GADD45G: variants seen among roughly 807,000 people sequenced by gnomAD.
GADD45G encodes growth arrest and DNA damage inducible gamma.
Under a neutral mutation model 17.3 loss-of-function variants are expected in GADD45G, and 7 were observed. The ratio of observed to expected loss-of-function variants is 0.41; its 90% confidence interval spans 0.23 to 0.76. The LOEUF (loss-of-function observed/expected upper bound fraction) is 0.76. GADD45G is among the 30% of genes least tolerant of loss of function. GADD45G has a pLI of 0.34. For synonymous variants in GADD45G, 93 were observed against 94.9 expected, an observed-to-expected ratio of 0.98 and a Z score of 0.12; for missense variants, 149 against 219.2, an observed-to-expected ratio of 0.68 and a Z score of 2.02.
intron 2 of GADD45G, 61 bp from the exon 3 acceptor site, chr9:89,605,606 G>C: frequency 6.4e-7 from 1 of 1,558,072 alleles, no homozygotes; most frequent in Non-Finnish European, 8.7e-7. Context: ...GGATGGGAGG[G>C]GTGGCGGCGG....
At chr9:89,605,611 C>T (rs1275780693) in intron 2 of GADD45G, 56 bp from the exon 3 acceptor site, 2 of 1,562,454 alleles carry the variant, frequency 1.3e-6, no homozygotes, top group Non-Finnish European at 1.7e-6. Context: ...GGAGGGGTGG[C>T]GGCGGGAGAA....
Position 89,605,684 on chromosome 9 carries a change from C to T in GADD45G, c.173C>T (p.Thr58Ile). 1 of 1,614,018 alleles carries T rather than the reference C, an allele frequency of 6.2e-7. No homozygotes were observed. Among genetic ancestry groups the T allele is most frequent in the Non-Finnish European group, 8.5e-7 (1 of 1,179,978 alleles). The change falls in exon 3 of 4, where the codon ACC becomes ATC. Residue 58 changes from threonine (T) to isoleucine (I), a missense_variant. This residue lies in a region of GADD45G where 39 missense variants were observed against 99.9 expected (regional missense o/e 0.39). Coordinates refer to ENST00000252506, the MANE Select transcript of GADD45G (RefSeq NM_006705.4). ...CCTCGCAGGGACCCCGACAATGTGA[C>T]CTTCTGTGTGCTGGCTGCGGGTGAG... Reference protein sequence around the residue: ...KVLNVDPDNVTFCVLAAGEED... With the variant: ...KVLNVDPDNVIFCVLAAGEED...
intron 1 of GADD45G, 45 bp from the exon 2 acceptor site, chr9:89,605,387 G>T: frequency 7.1e-7 from 1 of 1,416,328 alleles, no homozygotes; most frequent in Non-Finnish European, 9.7e-7. Flanking sequence ...GGTCTCCGCC[G>T]CGCCCTCCGG....
chr9:89,605,445 G>C lies in GADD45G; in HGVS notation c.67G>C (p.Gly23Arg). 1 of 1,555,318 alleles carries C rather than the reference G, an allele frequency of 6.4e-7. No homozygotes were observed. Among genetic ancestry groups the C allele is most frequent in the Non-Finnish European group, 8.7e-7 (1 of 1,149,550 alleles). ...PESTARMQGA[G>R]KALHELLLSA... ...GCTCCTCCGCAGGATGCAGGGTGCC[G>C]GGAAAGCGCTGCATGAGTTGCTGCT... The change falls in exon 2 of 4, where the codon GGG becomes CGG. Residue 23 changes from glycine to arginine, a missense_variant. Coordinates refer to ENST00000252506, the MANE Select transcript of GADD45G (RefSeq NM_006705.4).
rs564551830 is a variant in GADD45G, at chr9:89,606,334, C to T, written c.*255C>T. ...TCGCCCAGGAAGGCCTAGGCTAGGA[C>T]GTTGGCCTCAGGGCCAGGAAGGACA... On this transcript the variant is annotated 3_prime_UTR_variant, in exon 4 of 4. Coordinates refer to ENST00000252506, the MANE Select transcript of GADD45G (RefSeq NM_006705.4). 722 of 540,770 alleles carry T rather than the reference C, an allele frequency of 1.3e-3. 6 individuals carry two copies. Among genetic ancestry groups the T allele is most frequent in the African/African-American group, 0.012 (627 of 51,886 alleles). The allele number at this position is 540,770 out of a possible 1,614,324, so 33.5% of individuals were successfully genotyped here.
intron 2 of GADD45G, 21 bp downstream of exon 2, chr9:89,605,554 G>C: frequency 6.4e-7 from 1 of 1,561,530 alleles, no homozygotes; most frequent in Non-Finnish European, 8.7e-7. Flanking sequence ...ACGCGGCCCA[G>C]GCTGGGAGAC....
chr9:89,605,250 G>A, intron 1 of GADD45G, 76 bp downstream of exon 1: 2 of 1,388,590 alleles, frequency 1.4e-6, no homozygotes, highest in Non-Finnish European at 2.0e-6. Context: ...AATCCGCGGG[G>A]TAGGAGGGGA....
In GADD45G at chr9:89,605,035, C is replaced by T; in HGVS notation, c.-87C>T. ...GCGCACTCGCTGGTGGTGGGCGCGC[C>T]GTGCTGAGCTCTGGCTGTCAGTGTG... is the stretch of plus-strand genomic sequence containing the variant. On this transcript the variant is annotated 5_prime_UTR_variant, in exon 1 of 4. Coordinates refer to ENST00000252506, the MANE Select transcript of GADD45G (RefSeq NM_006705.4). The T allele has an allele frequency of 4.8e-6, 5 of 1,051,122 alleles. No homozygotes were observed. Among genetic ancestry groups the T allele is most frequent in the South Asian group, 4.0e-5 (3 of 74,312 alleles). 65.1% of individuals were successfully genotyped at this position (1,051,122 alleles called of 1,614,324 possible). A position where few individuals can be genotyped will look rare whatever the true frequency, so the allele number is the denominator to read the frequency against.
chr9:89,605,017 C>G lies in GADD45G; in HGVS notation c.-105C>G. On this transcript the variant is annotated 5_prime_UTR_variant, in exon 1 of 4. Transcript: ENST00000252506. ...GCGCGCAGCGTAGTAGGGGCGCACT[C>G]GCTGGTGGTGGGCGCGCCGTGCTGA... The G allele has an allele frequency of 1.1e-6, 1 of 896,952 alleles. No individual in the cohort carries two copies. The highest frequency in any genetic ancestry group is 1.8e-6 in the Non-Finnish European group (1 of 553,180). The allele number at this position is 896,952 out of a possible 1,614,324, so 55.6% of individuals were successfully genotyped here.
chr9:89,605,850 G>T lies in GADD45G; in HGVS notation c.339G>T (p.Ala113=). 1 of 1,612,102 alleles carries T rather than the reference G, an allele frequency of 6.2e-7. No individual in the cohort carries two copies. The highest frequency in any genetic ancestry group is 8.5e-7 in the Non-Finnish European group (1 of 1,179,292). Residue 113 remains alanine, a synonymous_variant, in exon 3 of 4, where the codon GCG becomes GCT. Transcript: ENST00000252506. ...AIVGAGEEAG[A]PGDLHCILIS... is the part of the protein sequence containing the mutation. ...TGGGCGCCGGCGAGGAGGCGGGTGC[G>T]CCGGGCGACCTGCACTGCATCCTCA... is the stretch of plus-strand genomic sequence containing the variant.
chr9:89,606,065 A>C lies in GADD45G; in HGVS notation c.466A>C (p.Thr156Pro). The C allele has an allele frequency of 6.2e-7, 1 of 1,609,416 alleles. No individual in the cohort carries two copies. Among genetic ancestry groups the C allele is most frequent in the Non-Finnish European group, 8.5e-7 (1 of 1,177,488 alleles). ...RSVNDWVPSI[T>P]LPE Reference sequence around the variant, plus strand: ...CGTTAACGACTGGGTGCCCAGCATCACCCTCCCCGAGTGACAGCCCGGCGG... The same window carrying C: ...CGTTAACGACTGGGTGCCCAGCATCCCCCTCCCCGAGTGACAGCCCGGCGG... The change falls in exon 4 of 4, where the codon ACC becomes CCC. Residue 156 changes from threonine to proline, a missense_variant. Transcript: ENST00000252506.
rs56370514 is a variant in GADD45G at position 89,606,287 on chromosome 9, T to A, written c.*208T>A. 6 of 592,522 alleles carry A rather than the reference T, an allele frequency of 1.0e-5. No homozygotes were observed. In the Admixed American group the frequency reaches 1.2e-4, roughly 12 times the overall value. The allele number at this position is 592,522 out of a possible 1,614,324, so 36.7% of individuals were successfully genotyped here. A position where few individuals can be genotyped will look rare whatever the true frequency, so the allele number is the denominator to read the frequency against. ...CCAGGCTGGTCCGAGCTGAGGACTC[T>A]GCAAGTGTCTGGAGCGGCTGCTCGC... On this transcript the variant is annotated 3_prime_UTR_variant, in exon 4 of 4. Transcript: ENST00000252506.
chr9:89,605,639 G>A (rs1360065106), intron 2 of GADD45G, 28 bp from the exon 3 acceptor site: 3 of 1,532,164 alleles, frequency 2.0e-6, no homozygotes, highest in East Asian at 4.5e-5. Context: ...AGCCGGTTCT[G>A]ACCTAGGTCC....
At chr9:89,605,273 G>A in intron 1 of GADD45G, 99 bp downstream of exon 1, 6 of 1,220,610 alleles carry the variant, frequency 4.9e-6, no homozygotes, top group South Asian at 1.3e-5. Flanking sequence ...GCGGGGGTCC[G>A]GGCGCCAGAT....
In GADD45G at chr9:89,605,682, G is replaced by A; in HGVS notation, c.171G>A (p.Val57=). The part of the protein sequence containing the change: ...AKVLNVDPDN[V]TFCVLAAGEE... Reference sequence around the variant, plus strand: ...GCCCTCGCAGGGACCCCGACAATGTGACCTTCTGTGTGCTGGCTGCGGGTG... The same window carrying A: ...GCCCTCGCAGGGACCCCGACAATGTAACCTTCTGTGTGCTGGCTGCGGGTG... Residue 57 remains valine (V), a synonymous_variant, in exon 3 of 4, where the codon GTG becomes GTA. Transcript: ENST00000252506. 6 of 1,614,030 alleles carry A rather than the reference G, an allele frequency of 3.7e-6. No homozygotes were observed. In the South Asian group the frequency reaches 6.6e-5, roughly 18 times the overall value.
At position 89,606,009 on chromosome 9, in the gene GADD45G, A is replaced by G. The variant is rs1364875919; in HGVS notation, c.410A>G (p.Lys137Arg). Residue 137 changes from lysine (K) to arginine (R), a missense_variant, in exon 4 of 4, where the codon AAG becomes AGG. This residue lies in a region of GADD45G where 73 missense variants were observed against 84.3 expected (regional missense o/e 0.87). Coordinates refer to ENST00000252506, the MANE Select transcript of GADD45G (RefSeq NM_006705.4). Reference sequence around the variant, plus strand: ...GCCTGGAAGGATCCCGCCTTGGAGAAGCTCAGCCTGTTTTGCGAGGAGAGC... The same window carrying G: ...GCCTGGAAGGATCCCGCCTTGGAGAGGCTCAGCCTGTTTTGCGAGGAGAGC... ...EDAWKDPALE[K>R]LSLFCEESRS... 1.2e-6 allele frequency: 2 copies of G among 1,613,842 alleles called. No individual in the cohort carries two copies. The highest frequency in any genetic ancestry group is 2.2e-5 in the South Asian group (2 of 91,034).
chr9:89,606,185 G>A lies in GADD45G; in HGVS notation c.*106G>A. The A allele has an allele frequency of 1.2e-6, 1 of 844,624 alleles. No homozygotes were observed. Among genetic ancestry groups the A allele is most frequent in the Admixed American group, 2.3e-5 (1 of 43,632 alleles). 52.3% of individuals were successfully genotyped at this position (844,624 alleles called of 1,614,324 possible). ...CTCCGAGGGTGCCCGAGTGCGGCGT[G>A]GAGACTGGCAGGCGGGGGGGGCGCC... On this transcript the variant is annotated 3_prime_UTR_variant, in exon 4 of 4. Transcript: ENST00000252506.
Position 89,606,160 on chromosome 9 carries a change from C to A in GADD45G, c.*81C>A. 9.4e-7 allele frequency: 1 copy of A among 1,060,478 alleles called. No homozygotes were observed. Among genetic ancestry groups the A allele is most frequent in the South Asian group, 1.4e-5 (1 of 73,440 alleles). 65.7% of individuals were successfully genotyped at this position (1,060,478 alleles called of 1,614,324 possible). A position where few individuals can be genotyped will look rare whatever the true frequency, so the allele number is the denominator to read the frequency against. On this transcript the variant is annotated 3_prime_UTR_variant, in exon 4 of 4. Transcript: ENST00000252506. The stretch of plus-strand genomic sequence containing the variant: ...GCGCGGCTGGCTCTGTGGAGGGGCC[C>A]TCCGAGGGTGCCCGAGTGCGGCGTG...
chr9:89,605,716 G>A lies in GADD45G; in HGVS notation c.205G>A (p.Glu69Lys), dbSNP rs1827513441. ...TGTGCTGGCTGCGGGTGAGGAGGAC[G>A]AGGGCGACATCGCGCTGCAGATCCA... is the stretch of plus-strand genomic sequence containing the variant. ...FCVLAAGEED[E>K]GDIALQIHFT... Residue 69 changes from glutamate (E) to lysine (K), a missense_variant, in exon 3 of 4, where the codon GAG becomes AAG. This residue lies in a region of GADD45G where 39 missense variants were observed against 99.9 expected (regional missense o/e 0.39). Transcript: ENST00000252506. The A allele has an allele frequency of 6.2e-7, 1 of 1,613,988 alleles. No homozygotes were observed. The highest frequency in any genetic ancestry group is 8.5e-7 in the Non-Finnish European group (1 of 1,180,014).
Sources: allele counts gnomAD v4.1 joint callset, GRCh38; gene constraint gnomAD v4.1.1; regional missense constraint gnomAD v4.1.1; transcripts MANE v1.5; gene names NCBI Gene and HGNC (gene_info 2026-07-23, HGNC 2026-07-21).